The following POGZ variants were observed in gnomAD, a reference collection of about 807,000 sequenced individuals.
POGZ encodes pogo transposable element derived with ZNF domain.
POGZ carries 17 observed loss-of-function variants against 134.6 expected under a neutral mutation model. The observed-to-expected ratio is 0.13, with a 90% CI of 0.09 to 0.19. POGZ has a LOEUF of 0.19. Among genes scored for constraint, POGZ ranks in the 10% least tolerant of loss-of-function variants. The pLI is 1.00. For missense variants in POGZ, 1,306 were observed against 1,769.7 expected (o/e 0.74, Z 4.70); for synonymous variants, 693 against 657.1 (o/e 1.05, Z -0.84).
chr1:151,416,210 C>CAAAAAAAAAAAAAAAAAAAAAAAAAAAAA (rs1212371839), intron 10 of POGZ, among the ~76,000 whole-genome samples: 7 of 42,776 alleles, frequency 1.6e-4, no homozygotes, highest in Non-Finnish European at 2.6e-4. Context: ...AACTCCATCT[C>CAAAAAAAAAAAAAAAAAAAAAAAAAAAAA]AAAAAAAAAA....
At chr1:151,429,446 G>A (rs922017196) in intron 5 of POGZ, 157 bp downstream of exon 5, 2 of 426,166 alleles carry the variant, frequency 4.7e-6, no homozygotes, top group South Asian at 4.3e-5. Context: ...CCAAAGGTTA[G>A]AAGCAGATTT....
chr1:151,419,491 C>T (rs920183276), intron 10 of POGZ, among the ~76,000 whole-genome samples: 3 of 151,402 alleles, frequency 2.0e-5, no homozygotes, highest in African/African-American at 4.8e-5. Flanking sequence ...CTACAAAAAA[C>T]ACCCCCCAAA....
At chr1:151,456,943 CCT>C (rs956608868) in intron 1 of POGZ, among the ~76,000 whole-genome samples, 1 of 152,166 alleles carries the variant, frequency 6.6e-6, no homozygotes, top group East Asian at 1.9e-4. Flanking sequence ...GTTTGGTGCC[CCT>C]GACTTGCTTT....
At chr1:151,434,339 T>C (rs1167679503) in intron 3 of POGZ, among the ~76,000 whole-genome samples, 1 of 151,814 alleles carries the variant, frequency 6.6e-6, no homozygotes, top group Non-Finnish European at 1.5e-5. Context: ...CTAGGCATGG[T>C]GGTGTGTGCC....
intron 11 of POGZ, 91 bp from the exon 12 acceptor site, chr1:151,411,862 TAAA>T: frequency 1.0e-6 from 1 of 989,090 alleles, no homozygotes; most frequent in Non-Finnish European, 1.4e-6. Flanking sequence ...ATTTTTAAAT[TAAA>T]AAAAAAAAGT....
chr1:151,457,858 C>T (rs1405139461), intron 1 of POGZ, among the ~76,000 whole-genome samples: 1 of 149,880 alleles, frequency 6.7e-6, no homozygotes, highest in Non-Finnish European at 1.5e-5. Context: ...ACCCGGCAGG[C>T]GGAGGTTGCA....
intron 10 of POGZ, among the ~76,000 whole-genome samples, chr1:151,413,264 A>G (rs1412424347): frequency 2.6e-5 from 4 of 151,806 alleles, no homozygotes; most frequent in Non-Finnish European, 4.4e-5. Context: ...ACAGTGGTGC[A>G]CCACCATGCC....
At chr1:151,424,898 T>C (rs1243768564) in intron 8 of POGZ, 57 bp downstream of exon 8, 1 of 854,676 alleles carries the variant, frequency 1.2e-6, no homozygotes. Context: ...GCTTCCAATA[T>C]TAATGAAGGT....
At chr1:151,412,678 C>A (rs1034113905) in intron 10 of POGZ, among the ~76,000 whole-genome samples, 1 of 152,130 alleles carries the variant, frequency 6.6e-6, no homozygotes, top group African/African-American at 2.4e-5. Context: ...ATTCAGCATC[C>A]TCCTGTCTTA....
At position 151,412,318 on chromosome 1, in the gene POGZ, C is replaced by G. The variant is rs1654821802; in HGVS notation, c.1757G>C (p.Gly586Ala). The change falls in exon 11 of 19, where the codon GGA (glycine) becomes GCA (alanine). Residue 586 changes from glycine (G) to alanine (A), a missense_variant. Gly to Ala is a moderately conservative substitution (Grantham distance 60). Coordinates refer to ENST00000271715, the MANE Select transcript of POGZ (RefSeq NM_015100.4). ...TACCTGGCAAACATAAGGCATCTCT[C>G]CAGGCTTATGAGTATCCTTCATATG... Reference protein sequence around the residue: ...LQHMKDTHKPGEMPYVCQVCQ... With the variant: ...LQHMKDTHKPAEMPYVCQVCQ... The G allele has an allele frequency of 6.2e-7, 1 of 1,603,448 alleles. No homozygotes were observed. Among genetic ancestry groups the G allele is most frequent in the African/African-American group, 1.3e-5 (1 of 74,666 alleles).
intron 11 of POGZ, 93 bp from the exon 12 acceptor site, chr1:151,411,864 A>G: frequency 8.8e-7 from 1 of 1,140,756 alleles, no homozygotes; most frequent in South Asian, 1.9e-5. Context: ...TTTTAAATTA[A>G]AAAAAAAAAG....
Position 151,406,395 on chromosome 1 carries a change from G to A in POGZ, c.2640C>T (p.Pro880=), listed in dbSNP as rs1449002607. The part of the protein sequence containing the change: ...VKNMYPPPSF[P]TNKAATVKSA... The stretch of plus-strand genomic sequence containing the variant: ...ATTTCACAGTGGCAGCTTTGTTAGT[G>A]GGGAAGGAAGGAGGAGGGTACATAT... Residue 880 remains proline, a synonymous_variant, in exon 19 of 19, where the codon CCC becomes CCT. Coordinates refer to ENST00000271715, the MANE Select transcript of POGZ (RefSeq NM_015100.4). 6.4e-7 allele frequency: 1 copy of A among 1,573,244 alleles called. No individual in the cohort carries two copies.
At chr1:151,449,562 A>T (rs1326884856) in intron 1 of POGZ, among the ~76,000 whole-genome samples, 1 of 152,166 alleles carries the variant, frequency 6.6e-6, no homozygotes, top group Non-Finnish European at 1.5e-5. Context: ...AAATCATCCC[A>T]CATTCTATAC....
chr1:151,453,298 A>G (rs1056379261), intron 1 of POGZ, among the ~76,000 whole-genome samples: 3 of 151,928 alleles, frequency 2.0e-5, no homozygotes, highest in East Asian at 1.9e-4. Context: ...CTACCTACTC[A>G]TATCTTAGCT....
chr1:151,457,990 T>C (rs1258205267), intron 1 of POGZ, among the ~76,000 whole-genome samples: 2 of 151,732 alleles, frequency 1.3e-5, no homozygotes, highest in African/African-American at 4.8e-5. Flanking sequence ...AAGAGGTGTC[T>C]ACGGGCTTGG....
At position 151,403,616 on chromosome 1, in the gene POGZ, GAAAAAT is replaced by G. The variant is rs980228970; in HGVS notation, c.*1180_*1185del. ...ATTTTCTTTCCTTGAAGCTGGCAGT[GAAAAAT>G]AAAGATTCATGTCATTTTCTTTGTG... On this transcript the variant is annotated 3_prime_UTR_variant, in exon 19 of 19. Transcript: ENST00000271715. The G allele has an allele frequency of 2.6e-5, 26 of 985,624 alleles. No homozygotes were observed. Among genetic ancestry groups the G allele is most frequent in the Non-Finnish European group, 2.9e-5 (24 of 829,872 alleles). The allele number at this position is 985,624 out of a possible 1,614,324, so 61.1% of individuals were successfully genotyped here.
At chr1:151,446,573 T>C (rs200036970) in intron 1 of POGZ, among the ~76,000 whole-genome samples, 5 of 151,570 alleles carry the variant, frequency 3.3e-5, no homozygotes, top group East Asian at 2.0e-4. Context: ...CTGGCTAACA[T>C]AGTGAAACCC....
intron 10 of POGZ, among the ~76,000 whole-genome samples, chr1:151,418,276 A>G (rs1656145108): frequency 6.6e-6 from 1 of 152,176 alleles, no homozygotes; most frequent in African/African-American, 2.4e-5. Context: ...AAAAAGAATG[A>G]AATTCTGTCA....
intron 7 of POGZ, chr1:151,427,514 A>T: frequency 3.1e-6 from 1 of 324,928 alleles, no homozygotes; most frequent in African/African-American, 2.1e-5. Flanking sequence ...TCTCTCTACC[A>T]AATCCTAACT....
Sources: gnomAD v4.1 joint callset for allele counts (sites outside exome capture counted in the v4.1 genomes callset) on GRCh38, gnomAD v4.1.1 for gene constraint, MANE v1.5 for transcripts, NCBI Gene and HGNC (gene_info 2026-07-23, HGNC 2026-07-21) for gene names.